ANGPT2: variants seen among roughly 807,000 people sequenced by gnomAD.
The protein encoded by ANGPT2 is angiopoietin 2.
In ANGPT2, 28 loss-of-function variants were observed where a neutral mutation model predicts 62.9. The ratio of observed to expected loss-of-function variants is 0.44; its 90% CI spans 0.33 to 0.61. The LOEUF (loss-of-function observed/expected upper bound fraction) is 0.61, where lower values mean the gene tolerates loss of function less well. Ranked by LOEUF, ANGPT2 falls within the 20% of genes least tolerant of loss-of-function variation. The probability of loss-of-function intolerance (pLI) is 0.03; values close to 1 mark genes in which losing one functional copy is unlikely to be tolerated. For missense variants in ANGPT2, 727 were observed against 594.9 expected (o/e 1.22, Z -2.31); for synonymous variants, 284 against 207.8 (o/e 1.37, Z -3.15).
At chr8:6,519,276 A>T (rs1316745033) in intron 5 of ANGPT2, among the ~76,000 whole-genome samples, 2 of 152,104 alleles carry the variant, frequency 1.3e-5, no homozygotes, top group Admixed American at 1.3e-4. Flanking sequence ...CGATGCTAAG[A>T]CACCACCGGT....
In ANGPT2 at chr8:6,562,552, C is replaced by CT. The variant is rs55804146; in HGVS notation, c.288+94dup. 181 of 73,846 alleles carry CT rather than the reference C, an allele frequency of 2.5e-3. 8 individuals carry two copies. The highest frequency in any genetic ancestry group is 0.013 in the Middle Eastern group (2 of 154). 4.6% of individuals were successfully genotyped at this position (73,846 alleles called of 1,614,324 possible). On this transcript the variant is annotated intron_variant, in intron 1 of 8. Coordinates refer to ENST00000629816, the MANE Select transcript of ANGPT2 (RefSeq NM_001118887.2). ...AGCTCTAATCCTCTTCATCCTCCTTCTTTTTTTTTTTTTTTTTTTGGTTGT... is the reference window on the plus strand; with the variant it reads ...AGCTCTAATCCTCTTCATCCTCCTTCTTTTTTTTTTTTTTTTTTTTGGTTGT...
intron 5 of ANGPT2, 59 bp downstream of exon 5, chr8:6,519,805 A>T (rs946768350): frequency 6.3e-7 from 1 of 1,584,430 alleles, no homozygotes. Context: ...CTGGTTCCTC[A>T]CTCACTAAAG....
intron 8 of ANGPT2, among the ~76,000 whole-genome samples, chr8:6,506,382 C>T (rs926138563): frequency 1.3e-5 from 2 of 152,066 alleles, no homozygotes; most frequent in African/African-American, 4.8e-5. Context: ...TTTCCTCTCC[C>T]CAGTCTCTTT....
rs1254797648 is a variant in ANGPT2 at position 6,562,959 on chromosome 8, G to C, written c.-25C>G. The C allele has an allele frequency of 6.4e-7, 1 of 1,556,704 alleles. No individual in the cohort carries two copies. The highest frequency in any genetic ancestry group is 8.8e-7 in the Non-Finnish European group (1 of 1,142,772). ...TTCTTTCTTCAGTAATAAACCAGCA[G>C]CTTAGCAAACTTGAGGGCAAACACA... On this transcript the variant is annotated 5_prime_UTR_variant, in exon 1 of 9. Transcript: ENST00000629816.
chr8:6,534,688 C>G (rs1820182070), intron 1 of ANGPT2, among the ~76,000 whole-genome samples: 1 of 152,020 alleles, frequency 6.6e-6, no homozygotes. Context: ...ACCCGGCAGG[C>G]CAGCAACCAT....
At chr8:6,537,732 C>G (rs927215986) in intron 1 of ANGPT2, among the ~76,000 whole-genome samples, 3 of 152,074 alleles carry the variant, frequency 2.0e-5, no homozygotes, top group Middle Eastern at 3.4e-3. Flanking sequence ...TCCTTCTCAC[C>G]AAGATTGTCA....
At chr8:6,542,688 G>C (rs1210392426) in intron 1 of ANGPT2, among the ~76,000 whole-genome samples, 10 of 151,398 alleles carry the variant, frequency 6.6e-5, no homozygotes, top group African/African-American at 1.9e-4. Context: ...GGCCTTTTAC[G>C]TCTCCTCTCT....
chr8:6,507,244 C>T (rs1385189800), intron 8 of ANGPT2, among the ~76,000 whole-genome samples: 1 of 152,134 alleles, frequency 6.6e-6, no homozygotes, highest in Non-Finnish European at 1.5e-5. Context: ...TTGGGTCATC[C>T]ATTTGTTTAA....
At position 6,516,204 on chromosome 8, in the gene ANGPT2, C is replaced by T. The variant is rs141208042; in HGVS notation, c.928-1426G>A. Among the ~76,000 whole-genome samples the T allele has an allele frequency of 7.7e-4, 118 of 152,290 alleles. No homozygotes were observed. The East Asian group carries it at 0.021, about 27-fold the overall frequency. The stretch of plus-strand genomic sequence containing the variant: ...GAAAATCAGTCTGCACAAGCTAACC[C>T]CTTGTTACCGCTCTGTATTGCTATG... On this transcript the variant is annotated intron_variant, in intron 5 of 8. Transcript: ENST00000629816.
At chr8:6,537,183 C>T (rs919670102) in intron 1 of ANGPT2, among the ~76,000 whole-genome samples, 1 of 152,016 alleles carries the variant, frequency 6.6e-6, no homozygotes, top group East Asian at 1.9e-4. Context: ...ATTCATGTTT[C>T]GCAGGAATGT....
At chr8:6,553,817 G>T (rs1349881070) in intron 1 of ANGPT2, among the ~76,000 whole-genome samples, 1 of 152,086 alleles carries the variant, frequency 6.6e-6, no homozygotes, top group African/African-American at 2.4e-5. Flanking sequence ...TCCTTATAAA[G>T]TCCCACGTGA....
chr8:6,528,637 C>T (rs1443293714), intron 2 of ANGPT2, among the ~76,000 whole-genome samples: 4 of 152,256 alleles, frequency 2.6e-5, no homozygotes, highest in Admixed American at 6.5e-5. Flanking sequence ...TGCGGCTCTC[C>T]CGCGGATTCT....
chr8:6,557,716 T>C lies in ANGPT2; in HGVS notation c.288+4931A>G, dbSNP rs62496876. 7.4e-3 allele frequency among the ~76,000 whole-genome samples: 772 copies of C among 103,628 alleles called. 5 individuals are homozygous for C. The highest frequency in any genetic ancestry group is 0.013 in the Non-Finnish European group (544 of 42,870). The allele number at this position is 103,628 out of a possible 152,430, so 68.0% of individuals were successfully genotyped here. A position where few individuals can be genotyped will look rare whatever the true frequency, so the allele number is the denominator to read the frequency against. On this transcript the variant is annotated intron_variant, in intron 1 of 8. Coordinates refer to ENST00000629816, the MANE Select transcript of ANGPT2 (RefSeq NM_001118887.2). The stretch of plus-strand genomic sequence containing the variant: ...ACACACACACACACACACACACACA[T>C]ACATATATACAGGGAGAGATAGAAT...
intron 1 of ANGPT2, among the ~76,000 whole-genome samples, chr8:6,545,605 C>G (rs1269690898): frequency 6.6e-6 from 1 of 152,140 alleles, no homozygotes; most frequent in Non-Finnish European, 1.5e-5. Context: ...TCTGACATTC[C>G]AAAACACGAT....
intron 7 of ANGPT2, among the ~76,000 whole-genome samples, chr8:6,512,730 A>C (rs1475038865): frequency 6.6e-6 from 1 of 152,124 alleles, no homozygotes; most frequent in East Asian, 1.9e-4. Flanking sequence ...CTCTACTCTC[A>C]TGGCATTTTA....
intron 1 of ANGPT2, among the ~76,000 whole-genome samples, chr8:6,545,126 T>C (rs1171647078): frequency 1.3e-5 from 2 of 151,858 alleles, no homozygotes; most frequent in African/African-American, 4.8e-5. Context: ...AGCTCAAGAA[T>C]GGACCGAACT....
chr8:6,508,025 A>G (rs1046882414), intron 8 of ANGPT2: 1 of 152,224 alleles, frequency 6.6e-6, no homozygotes, highest in African/African-American at 2.4e-5. Context: ...ATGGCAGTGT[A>G]ATACCAAACC....
intron 1 of ANGPT2, among the ~76,000 whole-genome samples, chr8:6,538,327 G>A (rs1203619283): frequency 6.6e-6 from 1 of 152,128 alleles, no homozygotes; most frequent in Non-Finnish European, 1.5e-5. Context: ...CCCGCCCAGG[G>A]TCCACTGTCC....
intron 1 of ANGPT2, among the ~76,000 whole-genome samples, chr8:6,551,969 A>G (rs1484355814): frequency 2.0e-5 from 3 of 152,208 alleles, no homozygotes; most frequent in Non-Finnish European, 2.9e-5. Flanking sequence ...TAATACTTCA[A>G]CTATCTTCAG....
Sources: allele counts gnomAD v4.1 joint callset (sites outside exome capture counted in the v4.1 genomes callset), GRCh38; gene constraint gnomAD v4.1.1; transcripts MANE v1.5; gene names NCBI Gene and HGNC (gene_info 2026-07-23, HGNC 2026-07-21).